LCORL: variants seen among roughly 807,000 people sequenced by gnomAD.
LCORL encodes ligand-dependent nuclear receptor corepressor-like protein.
Under a neutral mutation model 141.8 loss-of-function variants are expected in LCORL, and 41 were observed. The observed-to-expected ratio is 0.29, with a 90% CI of 0.23 to 0.38. LCORL has a LOEUF of 0.38. Among genes scored for constraint, LCORL ranks in the 10% least tolerant of loss-of-function variants. The probability of loss-of-function intolerance (pLI) is 1.00; values close to 1 mark genes in which losing one functional copy is unlikely to be tolerated. For missense variants in LCORL, 1,759 were observed against 2,035.0 expected (o/e 0.86, Z 2.61); for synonymous variants, 618 against 694.1 (o/e 0.89, Z 1.72).
chr4:17,938,571 C>A, intron 4 of LCORL, among the ~76,000 whole-genome samples: 1 of 151,610 alleles, frequency 6.6e-6, no homozygotes, highest in Non-Finnish European at 1.5e-5. Flanking sequence ...CATGCACCAC[C>A]ACACCCGGCT....
intron 2 of LCORL, among the ~76,000 whole-genome samples, chr4:17,972,129 T>C (rs1255041626): frequency 6.6e-6 from 1 of 151,848 alleles, no homozygotes; most frequent in African/African-American, 2.4e-5. Flanking sequence ...TAGAAATATG[T>C]TGACCTTACA....
intron 1 of LCORL, among the ~76,000 whole-genome samples, chr4:17,990,280 A>G (rs963027321): frequency 6.6e-6 from 1 of 151,684 alleles, no homozygotes; most frequent in Admixed American, 6.6e-5. Flanking sequence ...TTGTATTTTT[A>G]GTACAGATGG....
rs376592319 is a variant in LCORL at position 17,942,190 on chromosome 4, G to A, written c.430+19713C>T. Reference sequence around the variant, plus strand: ...AAAGCAGATTTGTTTCCAAAGAAAAGCAAATATTTTGACAATAGAGTGAAA... The same window carrying A: ...AAAGCAGATTTGTTTCCAAAGAAAAACAAATATTTTGACAATAGAGTGAAA... On this transcript the variant is annotated intron_variant, in intron 4 of 7. Coordinates refer to ENST00000635767, the Ensembl canonical transcript of LCORL. Among the ~76,000 whole-genome samples, 123 of 152,168 alleles carry A rather than the reference G, an allele frequency of 8.1e-4. 5 individuals carry two copies. In the East Asian group the frequency reaches 0.02, roughly 24 times the overall value.
chr4:17,995,156 CT>C (rs1720697424), intron 1 of LCORL, among the ~76,000 whole-genome samples: 1 of 150,348 alleles, frequency 6.7e-6, no homozygotes, highest in Non-Finnish European at 1.5e-5. Flanking sequence ...TTGTTTAGTG[CT>C]TTTTCAATTT....
chr4:17,961,548 T>C (rs1713787279), intron 4 of LCORL, among the ~76,000 whole-genome samples: 1 of 152,058 alleles, frequency 6.6e-6, no homozygotes, highest in African/African-American at 2.4e-5. Flanking sequence ...ATATTATATA[T>C]CTGTAACTTA....
chr4:17,957,890 T>G (rs1054330325), intron 4 of LCORL, among the ~76,000 whole-genome samples: 3 of 151,868 alleles, frequency 2.0e-5, no homozygotes, highest in Admixed American at 6.6e-5. Context: ...TAAGAAACAC[T>G]TAAGGCCTGA....
At chr4:17,977,567 T>TATACC (rs1281087167) in intron 1 of LCORL, among the ~76,000 whole-genome samples, 3 of 152,220 alleles carry the variant, frequency 2.0e-5, no homozygotes, top group African/African-American at 7.2e-5. Context: ...GATACCTCTG[T>TATACC]TCAAATCATT....
Position 17,884,703 on chromosome 4 carries a change from C to T in LCORL, c.776+1365G>A, listed in dbSNP as rs1728053992. The T allele has an allele frequency of 6.6e-7, 1 of 1,511,754 alleles. No individual in the cohort carries two copies. The highest frequency in any genetic ancestry group is 8.8e-7 in the Non-Finnish European group (1 of 1,132,678). 93.6% of individuals were successfully genotyped at this position (1,511,754 alleles called of 1,614,324 possible). ...AAAGCTTTTGAGAGCAAACCATCTG[C>T]AAACTCAGCACTTCTTTCCACATAG... On this transcript the variant is annotated intron_variant, in intron 6 of 7. Transcript: ENST00000635767. The surrounding 1 kb of genome is among the most constrained non-coding windows in gnomAD (Gnocchi z 4.4).
At chr4:17,915,044 C>G (rs1733180125) in intron 4 of LCORL, among the ~76,000 whole-genome samples, 1 of 152,088 alleles carries the variant, frequency 6.6e-6, no homozygotes, top group Non-Finnish European at 1.5e-5. Context: ...ATTGATGCTC[C>G]TGGTTGTTTT....
chr4:17,971,587 T>G (rs1033595725), intron 2 of LCORL, among the ~76,000 whole-genome samples: 1 of 151,782 alleles, frequency 6.6e-6, no homozygotes, highest in Non-Finnish European at 1.5e-5. Flanking sequence ...TGTTTTTTTT[T>G]GGCTTTGAAT....
At chr4:17,899,659 T>C (rs150336174) in intron 5 of LCORL, among the ~76,000 whole-genome samples, 2 of 152,284 alleles carry the variant, frequency 1.3e-5, no homozygotes, top group African/African-American at 4.8e-5. Flanking sequence ...AATTTTGGCA[T>C]ATTGATAACT....
chr4:17,974,153 G>A (rs1716500962), intron 1 of LCORL, among the ~76,000 whole-genome samples: 1 of 152,112 alleles, frequency 6.6e-6, no homozygotes, highest in African/African-American at 2.4e-5. Context: ...CTATTTTTCT[G>A]TCATCAACGT....
At chr4:18,019,040 G>A (rs1560492595) in intron 1 of LCORL, among the ~76,000 whole-genome samples, 1 of 152,102 alleles carries the variant, frequency 6.6e-6, no homozygotes, top group Non-Finnish European at 1.5e-5. Flanking sequence ...CTATAAATAA[G>A]TGCTTAACAC....
At chr4:17,952,841 T>C (rs1711716905) in intron 4 of LCORL, among the ~76,000 whole-genome samples, 1 of 152,176 alleles carries the variant, frequency 6.6e-6, no homozygotes, top group Non-Finnish European at 1.5e-5. Context: ...CTAAGCATAA[T>C]ACCCGATAGT....
intron 7 of LCORL, among the ~76,000 whole-genome samples, chr4:17,855,915 T>A (rs1230570389): frequency 5.3e-5 from 8 of 152,236 alleles, no homozygotes; most frequent in Non-Finnish European, 1.0e-4. Context: ...AACCACCTCT[T>A]CTCAATTGGA....
At chr4:17,863,522 G>A (rs770734626) in intron 7 of LCORL, among the ~76,000 whole-genome samples, 6 of 152,146 alleles carry the variant, frequency 3.9e-5, no homozygotes, top group South Asian at 4.1e-4. Context: ...GTGGAGAAAA[G>A]GGAATGCTTA....
chr4:17,887,235 A>AC (rs1457358797), intron 5 of LCORL, among the ~76,000 whole-genome samples: 2 of 152,252 alleles, frequency 1.3e-5, no homozygotes, highest in Admixed American at 6.6e-5. Flanking sequence ...ATCAAAAAAA[A>AC]AAGTCATACA....
At chr4:17,883,796 C>G (rs1398793805) in intron 6 of LCORL, 1 of 1,550,542 alleles carries the variant, frequency 6.4e-7, no homozygotes, top group Admixed American at 2.0e-5. Context: ...GTCTGGTAAT[C>G]GTAGTTTCTT....
At chr4:17,882,750 T>C (rs1395469159) in intron 6 of LCORL, 3 of 983,086 alleles carry the variant, frequency 3.1e-6, no homozygotes, top group Non-Finnish European at 3.6e-6. Flanking sequence ...TTTTCAATAG[T>C]AGGAGTGTGT....
Sources: allele counts gnomAD v4.1 joint callset (sites outside exome capture counted in the v4.1 genomes callset), GRCh38; gene constraint gnomAD v4.1.1; non-coding constraint Gnocchi (gnomAD v3.1); transcripts MANE v1.5; gene names NCBI Gene and HGNC (gene_info 2026-07-23, HGNC 2026-07-21).